The following HNRNPUL1 variants were observed in gnomAD, a reference collection of about 807,000 sequenced individuals.
The protein encoded by HNRNPUL1 is heterogeneous nuclear ribonucleoprotein U-like protein 1.
In HNRNPUL1, 14 loss-of-function variants were observed where a neutral mutation model predicts 108.5. That is an observed-to-expected ratio of 0.13 (90% CI 0.09 to 0.20). HNRNPUL1 has a LOEUF of 0.20. HNRNPUL1 is among the 10% of genes least tolerant of loss of function. The pLI is 1.00. For synonymous variants in HNRNPUL1, 422 were observed against 445.2 expected (o/e 0.95, Z 0.66); for missense variants, 804 against 1,168.3 (o/e 0.69, Z 4.55).
chr19:41,292,338 G>C lies in HNRNPUL1; in HGVS notation c.1093G>C (p.Gly365Arg), dbSNP rs771760316. ...CCGAATCCAGAAGGAAGCCTTGGGG[G>C]GTCAGGCCCTCTATCCTCATGTCCT... ...AFRIQKEALG[G>R]QALYPHVLVK... The change falls in exon 8 of 15, where the codon GGT becomes CGT. Residue 365 changes from glycine to arginine, a missense_variant. Physicochemically the swap from Gly to Arg is moderately radical, Grantham distance 125. Transcript: ENST00000392006. This position sits in a 1 kb window ranked among gnomAD's most constrained non-coding sequence, Gnocchi z 4.1. 1.2e-5 allele frequency: 19 copies of C among 1,614,076 alleles called. No individual in the cohort carries two copies. Among genetic ancestry groups the C allele is most frequent in the Non-Finnish European group, 1.6e-5 (19 of 1,180,044 alleles).
Position 41,264,758 on chromosome 19 carries a change from G to A in HNRNPUL1, c.255G>A (p.Pro85=). The change falls in exon 1 of 15, where the codon CCG becomes CCA. Residue 85 remains proline (P), a synonymous_variant. Coordinates refer to ENST00000392006, the MANE Select transcript of HNRNPUL1 (RefSeq NM_007040.6). The part of the protein sequence containing the change: ...TAQPPPPGLQ[P]HAEPGGYSGP... Reference sequence around the variant, plus strand: ...AGCCACCGCCGCCCGGGCTGCAGCCGCACGCGGAGCCCGGCGGCTACTCGG... The same window carrying A: ...AGCCACCGCCGCCCGGGCTGCAGCCACACGCGGAGCCCGGCGGCTACTCGG... 1 of 1,381,968 alleles carries A rather than the reference G, an allele frequency of 7.2e-7. No individual in the cohort carries two copies. Among genetic ancestry groups the A allele is most frequent in the Non-Finnish European group, 9.3e-7 (1 of 1,072,054 alleles). 85.6% of individuals were successfully genotyped at this position (1,381,968 alleles called of 1,614,324 possible).
intron 7 of HNRNPUL1, among the ~76,000 whole-genome samples, chr19:41,282,170 T>C (rs1008622076): frequency 1.3e-5 from 2 of 152,056 alleles, no homozygotes; most frequent in African/African-American, 2.4e-5. Flanking sequence ...TACTCTTCCT[T>C]CTTCTTTTTT....
chr19:41,272,002 C>T (rs2035267077), intron 2 of HNRNPUL1, 80 bp from the exon 3 acceptor site: 3 of 1,514,018 alleles, frequency 2.0e-6, no homozygotes, highest in African/African-American at 1.4e-5. Context: ...GCTCACATCT[C>T]TCAAGGGAAA....
chr19:41,276,404 G>T, intron 5 of HNRNPUL1, 106 bp downstream of exon 5: 1 of 1,234,488 alleles, frequency 8.1e-7, no homozygotes, highest in Non-Finnish European at 1.1e-6. Context: ...AGATTGGATT[G>T]TGCAATACCA....
Position 41,264,438 on chromosome 19 carries a change from G to A in HNRNPUL1, c.-66G>A. On this transcript the variant is annotated 5_prime_UTR_variant, in exon 1 of 15. Coordinates refer to ENST00000392006, the MANE Select transcript of HNRNPUL1 (RefSeq NM_007040.6). ...TCCCCCTTCGCCTCCTGACAGGAAA[G>A]GTTTAAGGGGGACAGAGCCCTGGGA... 3.9e-6 allele frequency: 5 copies of A among 1,284,348 alleles called. No homozygotes were observed. The highest frequency in any genetic ancestry group is 5.0e-6 in the Non-Finnish European group (5 of 1,004,600). The allele number at this position is 1,284,348 out of a possible 1,614,324, so 79.6% of individuals were successfully genotyped here.
At chr19:41,283,903 A>G (rs188999548) in intron 7 of HNRNPUL1, among the ~76,000 whole-genome samples, 185 of 152,292 alleles carry the variant, frequency 1.2e-3, no homozygotes, top group Non-Finnish European at 2.1e-3. Context: ...AACTGCATAA[A>G]ATTAACCAGC....
intron 12 of HNRNPUL1, 121 bp downstream of exon 12, chr19:41,303,070 A>T: frequency 8.7e-7 from 1 of 1,146,300 alleles, no homozygotes; most frequent in Non-Finnish European, 1.2e-6. Flanking sequence ...ATACTCTGGT[A>T]GAAAACTTGA....
chr19:41,304,375 T>G, intron 13 of HNRNPUL1, 114 bp downstream of exon 13: 1 of 1,494,170 alleles, frequency 6.7e-7, no homozygotes, highest in Non-Finnish European at 8.9e-7. Flanking sequence ...CTACTGGTCT[T>G]CACTCTAACC....
At chr19:41,298,828 C>T (rs1168753291) in intron 10 of HNRNPUL1, 1 of 151,966 alleles carries the variant, frequency 6.6e-6, no homozygotes, top group East Asian at 1.9e-4. Flanking sequence ...GTCCCCTCAT[C>T]AGGACATTGA....
rs369201592 is a variant in HNRNPUL1 at position 41,302,945 on chromosome 19, A to G, written c.1968A>G (p.Arg656=). ...GGGSGGGGNY[R]GGFNRSGGGG... ...GCAGCGGTGGAGGAGGCAACTACCG[A>G]GGAGGTGAGACATCTCACACACAGC... The change falls in exon 12 of 15, where the codon CGA becomes CGG. Residue 656 remains arginine, a synonymous_variant. Coordinates refer to ENST00000392006, the MANE Select transcript of HNRNPUL1 (RefSeq NM_007040.6). 2 of 1,524,296 alleles carry G rather than the reference A, an allele frequency of 1.3e-6. No individual in the cohort carries two copies. The highest frequency in any genetic ancestry group is 1.8e-6 in the Non-Finnish European group (2 of 1,138,096). The allele number at this position is 1,524,296 out of a possible 1,614,324, so 94.4% of individuals were successfully genotyped here.
chr19:41,292,078 C>T lies in HNRNPUL1; in HGVS notation c.1000-167C>T, dbSNP rs1238776951. ...AGGAGGACTTTGGGCTGGACATTCT[C>T]TGAGATGTTCACTGATGCTGCCCAG... is the stretch of plus-strand genomic sequence containing the variant. On this transcript the variant is annotated intron_variant, in intron 7 of 14. Transcript: ENST00000392006. The surrounding 1 kb of genome is among the most constrained non-coding windows in gnomAD (Gnocchi z 4.1). Among the ~76,000 whole-genome samples the T allele has an allele frequency of 6.6e-6, 1 of 151,944 alleles. No homozygotes were observed. The highest frequency in any genetic ancestry group is 2.4e-5 in the African/African-American group (1 of 41,364).
chr19:41,283,302 CAG>C (rs1251340161), intron 7 of HNRNPUL1, among the ~76,000 whole-genome samples: 2 of 151,990 alleles, frequency 1.3e-5, no homozygotes, highest in Admixed American at 6.5e-5. Context: ...TTTTTGAAGA[CAG>C]ATTATTTTCT....
rs192566159 is a variant in HNRNPUL1, at chr19:41,271,133, A to T, written c.419-949A>T. 4.8e-3 allele frequency among the ~76,000 whole-genome samples: 732 copies of T among 152,252 alleles called. 5 individuals are homozygous for T. Among genetic ancestry groups the T allele is most frequent in the African/African-American group, 0.017 (688 of 41,532 alleles). ...GCCTCCCAGTGCCTTTTCTTAGTGT[A>T]TCTGGTTGATTTTGTCTAACGCCAT... On this transcript the variant is annotated intron_variant, in intron 2 of 14. Transcript: ENST00000392006.
Position 41,307,519 on chromosome 19 carries a change from C to T in HNRNPUL1, c.*954C>T, listed in dbSNP as rs1339718010. On this transcript the variant is annotated 3_prime_UTR_variant, in exon 15 of 15. Transcript: ENST00000392006. ...GTCTCCCAGGTGCCAGACCCAAAAGCTTTTCCTACAGTGATACCCTTTATT... is the reference window on the plus strand; with the variant it reads ...GTCTCCCAGGTGCCAGACCCAAAAGTTTTTCCTACAGTGATACCCTTTATT... The T allele has an allele frequency of 6.6e-6, 1 of 152,622 alleles. No homozygotes were observed. The highest frequency in any genetic ancestry group is 2.4e-5 in the African/African-American group (1 of 41,432). The allele number at this position is 152,622 out of a possible 1,614,324, so 9.5% of individuals were successfully genotyped here.
chr19:41,292,623 C>G lies in HNRNPUL1; in HGVS notation c.1266+112C>G. 7.6e-7 allele frequency: 1 copy of G among 1,322,634 alleles called. No homozygotes were observed. The highest frequency in any genetic ancestry group is 1.1e-6 in the Non-Finnish European group (1 of 939,012). 81.9% of individuals were successfully genotyped at this position (1,322,634 alleles called of 1,614,324 possible). Reference sequence around the variant, plus strand: ...AGAGTAGCCTTGGGGCAAGTGGCCACTTTGTCCCAGCTCCTCAGGGTTGGA... The same window carrying G: ...AGAGTAGCCTTGGGGCAAGTGGCCAGTTTGTCCCAGCTCCTCAGGGTTGGA... On this transcript the variant is annotated intron_variant, in intron 8 of 14. Transcript: ENST00000392006. This position sits in a 1 kb window ranked among gnomAD's most constrained non-coding sequence, Gnocchi z 4.1.
Position 41,292,615 on chromosome 19 carries a change from A to T in HNRNPUL1, c.1266+104A>T. 1 of 1,410,900 alleles carries T rather than the reference A, an allele frequency of 7.1e-7. No homozygotes were observed. The highest frequency in any genetic ancestry group is 9.8e-7 in the Non-Finnish European group (1 of 1,015,676). 87.4% of individuals were successfully genotyped at this position (1,410,900 alleles called of 1,614,324 possible). On this transcript the variant is annotated intron_variant, in intron 8 of 14. Transcript: ENST00000392006. The surrounding 1 kb of genome is among the most constrained non-coding windows in gnomAD (Gnocchi z 4.1). ...TTGCTGCGAGAGTAGCCTTGGGGCA[A>T]GTGGCCACTTTGTCCCAGCTCCTCA...
chr19:41,269,407 G>T (rs2035068541), intron 2 of HNRNPUL1, among the ~76,000 whole-genome samples: 1 of 147,602 alleles, frequency 6.8e-6, no homozygotes, highest in Admixed American at 6.8e-5. Flanking sequence ...TTGAGCCCAG[G>T]AGTTTGAGGC....
chr19:41,268,199 G>A, intron 1 of HNRNPUL1, 24 bp from the exon 2 acceptor site: 4 of 1,610,346 alleles, frequency 2.5e-6, no homozygotes, highest in Non-Finnish European at 3.4e-6. Context: ...CCCTCTAATT[G>A]GCCATTTTTA....
At chr19:41,276,058 G>A (rs781101057) in intron 4 of HNRNPUL1, 101 bp from the exon 5 acceptor site, 17 of 1,477,808 alleles carry the variant, frequency 1.2e-5, no homozygotes, top group Non-Finnish European at 1.6e-5. Context: ...AGCCAAGATC[G>A]CACCATTGCA....
Sources: gnomAD v4.1 joint callset for allele counts (sites outside exome capture counted in the v4.1 genomes callset) on GRCh38, gnomAD v4.1.1 for gene constraint, Gnocchi (gnomAD v3.1) non-coding constraint, MANE v1.5 for transcripts, NCBI Gene and HGNC (gene_info 2026-07-23, HGNC 2026-07-21) for gene names.